The following SPRED1 variants were observed in gnomAD, a reference collection of about 807,000 sequenced individuals.
SPRED1 encodes the protein sprouty-related, EVH1 domain-containing protein 1.
A neutral mutation model predicts 52.3 loss-of-function variants in SPRED1; 18 were observed. The observed-to-expected ratio is 0.34, with a 90% CI of 0.24 to 0.51. SPRED1 has a LOEUF of 0.51. SPRED1 is among the 20% of genes least tolerant of loss of function. The pLI is 0.97. For synonymous variants in SPRED1, 155 were observed against 179.7 expected (o/e 0.86, Z 1.10); for missense variants, 485 against 551.0 (o/e 0.88, Z 1.20).
rs1895995583 is a variant in SPRED1, at chr15:38,339,860, G to A, written c.547G>A (p.Ala183Thr). 6.2e-7 allele frequency: 1 copy of A among 1,613,920 alleles called. No individual in the cohort carries two copies. Among genetic ancestry groups the A allele is most frequent in the Non-Finnish European group, 8.5e-7 (1 of 1,179,920 alleles). Reference protein sequence around the residue: ...IRPSPFEDLNARRVYMQSQAN... With the variant: ...IRPSPFEDLNTRRVYMQSQAN... The stretch of plus-strand genomic sequence containing the variant: ...ACCTTCTCCCTTTGAAGATCTGAAT[G>A]CCAGAAGAGTCTACATGCAAAGCCA... Residue 183 changes from alanine to threonine, a missense_variant, in exon 5 of 7, where the codon GCC (alanine) becomes ACC (threonine). Coordinates refer to ENST00000299084, the MANE Select transcript of SPRED1 (RefSeq NM_152594.3).
intron 1 of SPRED1, among the ~76,000 whole-genome samples, chr15:38,270,987 A>G (rs1198342726): frequency 2.0e-5 from 3 of 152,044 alleles, no homozygotes; most frequent in African/African-American, 7.2e-5. Flanking sequence ...ATTGTTGTTC[A>G]TTTGTTTGTT....
intron 1 of SPRED1, among the ~76,000 whole-genome samples, chr15:38,296,719 T>A (rs938037504): frequency 6.6e-6 from 1 of 152,324 alleles, no homozygotes; most frequent in South Asian, 2.1e-4. Context: ...ATTGTTATCG[T>A]CCTAGTTCAA....
intron 1 of SPRED1, among the ~76,000 whole-genome samples, chr15:38,281,071 T>C (rs1430467810): frequency 6.6e-6 from 1 of 152,218 alleles, no homozygotes. Flanking sequence ...ATATTAGTTA[T>C]CTTCAAATAA....
chr15:38,283,657 T>G (rs1566854565), intron 1 of SPRED1: 17 of 235,960 alleles, frequency 7.2e-5, no homozygotes, highest in Non-Finnish European at 1.1e-4. Context: ...GTGATATGAG[T>G]GGCTGTTTTC....
intron 1 of SPRED1, among the ~76,000 whole-genome samples, chr15:38,264,792 A>G (rs1894273388): frequency 6.6e-6 from 1 of 152,168 alleles, no homozygotes; most frequent in South Asian, 2.1e-4. Context: ...GAAGAGGATA[A>G]GAAAAGGGAA....
chr15:38,330,919 A>G (rs1190588662), intron 4 of SPRED1, among the ~76,000 whole-genome samples: 1 of 152,100 alleles, frequency 6.6e-6, no homozygotes, highest in Non-Finnish European at 1.5e-5. Flanking sequence ...TCTAAGAACT[A>G]GTACCAGCAG....
intron 5 of SPRED1, among the ~76,000 whole-genome samples, chr15:38,340,768 T>C (rs1487100613): frequency 1.3e-5 from 2 of 151,990 alleles, no homozygotes; most frequent in African/African-American, 2.4e-5. Context: ...ACTCCTGACC[T>C]ATCCACCCGC....
At chr15:38,336,205 T>C (rs1895909896) in intron 4 of SPRED1, among the ~76,000 whole-genome samples, 1 of 151,788 alleles carries the variant, frequency 6.6e-6, no homozygotes, top group South Asian at 2.1e-4. Flanking sequence ...ACCTTTCCCT[T>C]ATTATGCCAT....
chr15:38,305,976 A>G (rs1353146328), intron 2 of SPRED1, among the ~76,000 whole-genome samples: 2 of 152,058 alleles, frequency 1.3e-5, no homozygotes, highest in African/African-American at 4.8e-5. Context: ...CTTTCCTGCA[A>G]ATAAGGCTAC....
chr15:38,254,773 T>G (rs1340017268), intron 1 of SPRED1, among the ~76,000 whole-genome samples: 1 of 152,234 alleles, frequency 6.6e-6, no homozygotes, highest in Admixed American at 6.5e-5. Flanking sequence ...TACCTGGCTG[T>G]CCATTCAGAG....
At chr15:38,268,349 C>T (rs1894356388) in intron 1 of SPRED1, 1 of 152,190 alleles carries the variant, frequency 6.6e-6, no homozygotes, top group Admixed American at 6.5e-5. Flanking sequence ...AGAACAACAT[C>T]CCAAATACTT....
chr15:38,263,641 G>A (rs905097018), intron 1 of SPRED1, among the ~76,000 whole-genome samples: 1 of 152,088 alleles, frequency 6.6e-6, no homozygotes, highest in African/African-American at 2.4e-5. Context: ...TCTAAGACAA[G>A]GATATAACCG....
At chr15:38,272,251 T>C (rs1211352096) in intron 1 of SPRED1, among the ~76,000 whole-genome samples, 2 of 146,926 alleles carry the variant, frequency 1.4e-5, no homozygotes, top group Non-Finnish European at 3.0e-5. Flanking sequence ...TACCCAATAA[T>C]GAGATTGTAG....
intron 4 of SPRED1, among the ~76,000 whole-genome samples, chr15:38,338,293 G>GT (rs1220501701): frequency 5.2e-5 from 2 of 38,374 alleles, no homozygotes; most frequent in African/African-American, 7.2e-5. Context: ...ACCCATTTTT[G>GT]TTTTGTTTTG....
At chr15:38,288,556 G>A (rs1170689227) in intron 1 of SPRED1, among the ~76,000 whole-genome samples, 2 of 152,134 alleles carry the variant, frequency 1.3e-5, no homozygotes, top group Admixed American at 6.6e-5. Flanking sequence ...TTAGAAAGGA[G>A]CAACCGATAG....
chr15:38,322,976 T>C (rs1163392902), intron 3 of SPRED1, among the ~76,000 whole-genome samples: 1 of 152,140 alleles, frequency 6.6e-6, no homozygotes, highest in Non-Finnish European at 1.5e-5. Flanking sequence ...ATAATGTTTT[T>C]TCATGTAAGA....
At chr15:38,282,865 C>T (rs1248865448) in intron 1 of SPRED1, among the ~76,000 whole-genome samples, 2 of 151,132 alleles carry the variant, frequency 1.3e-5, no homozygotes, top group African/African-American at 2.4e-5. Context: ...CGCTGTCATG[C>T]GTTGTTTTAA....
At chr15:38,275,831 A>G (rs1894540724) in intron 1 of SPRED1, among the ~76,000 whole-genome samples, 1 of 152,200 alleles carries the variant, frequency 6.6e-6, no homozygotes, top group Admixed American at 6.5e-5. Context: ...ACAGTTGGAG[A>G]AAACTAAGCT....
chr15:38,334,336 T>C (rs1052265008), intron 4 of SPRED1, among the ~76,000 whole-genome samples: 2 of 152,056 alleles, frequency 1.3e-5, no homozygotes, highest in Non-Finnish European at 2.9e-5. Context: ...GGGGTGCTAA[T>C]ACAGAGAAAC....
Sources: gnomAD v4.1 joint callset for allele counts (sites outside exome capture counted in the v4.1 genomes callset) on GRCh38, gnomAD v4.1.1 for gene constraint, MANE v1.5 for transcripts, NCBI Gene and HGNC (gene_info 2026-07-23, HGNC 2026-07-21) for gene names.